SLC24A3: variants seen among roughly 807,000 people sequenced by gnomAD.
SLC24A3 encodes the protein sodium/potassium/calcium exchanger 3.
A neutral mutation model predicts 75.8 loss-of-function variants in SLC24A3; 28 were observed. The observed-to-expected ratio is 0.37, with a 90% CI of 0.27 to 0.51. SLC24A3 has a LOEUF of 0.51. Ranked by LOEUF, SLC24A3 falls within the 20% of genes least tolerant of loss-of-function variation. The probability of loss-of-function intolerance (pLI) is 0.94; values close to 1 mark genes in which losing one functional copy is unlikely to be tolerated. For missense variants in SLC24A3, 663 were observed against 847.8 expected (o/e 0.78, Z 2.71); for synonymous variants, 372 against 334.1 (o/e 1.11, Z -1.24).
At chr20:19,650,109 AG>A (rs1206024453) in intron 6 of SLC24A3, among the ~76,000 whole-genome samples, 1 of 152,130 alleles carries the variant, frequency 6.6e-6, no homozygotes, top group Non-Finnish European at 1.5e-5. Flanking sequence ...AATTCCTTCT[AG>A]AGTGTGGAAA....
At chr20:19,403,026 C>T (rs1373615258) in intron 2 of SLC24A3, among the ~76,000 whole-genome samples, 2 of 152,182 alleles carry the variant, frequency 1.3e-5, no homozygotes, top group Non-Finnish European at 1.5e-5. Flanking sequence ...TAGCTGAGGG[C>T]TTCCATATTA....
intron 2 of SLC24A3, among the ~76,000 whole-genome samples, chr20:19,367,821 T>C (rs1285413825): frequency 5.3e-5 from 8 of 152,152 alleles, no homozygotes; most frequent in African/African-American, 1.9e-4. Context: ...CATTGGTGCA[T>C]TGGCCGTGTT....
chr20:19,393,988 G>T (rs1362768891), intron 2 of SLC24A3, among the ~76,000 whole-genome samples: 1 of 152,178 alleles, frequency 6.6e-6, no homozygotes, highest in Non-Finnish European at 1.5e-5. Context: ...TCAAAACAGT[G>T]TAGTACTTGT....
chr20:19,334,376 A>C (rs151247853), intron 2 of SLC24A3, among the ~76,000 whole-genome samples: 21 of 145,632 alleles, frequency 1.4e-4, no homozygotes, highest in Admixed American at 5.5e-4. Flanking sequence ...AACACAGTAA[A>C]AAAAATAAAG....
At chr20:19,265,283 C>G (rs955504163) in intron 1 of SLC24A3, among the ~76,000 whole-genome samples, 1 of 152,154 alleles carries the variant, frequency 6.6e-6, no homozygotes, top group African/African-American at 2.4e-5. Flanking sequence ...CTTTTATGTC[C>G]CATAGCCATC....
chr20:19,687,357 C>A (rs1322670322), intron 12 of SLC24A3, among the ~76,000 whole-genome samples: 2 of 152,162 alleles, frequency 1.3e-5, no homozygotes, highest in East Asian at 3.9e-4. Flanking sequence ...GGACTCTTTG[C>A]AGCTAGATCA....
chr20:19,705,138 C>A lies in SLC24A3; in HGVS notation c.1719+6458C>A, dbSNP rs544297816. Among the ~76,000 whole-genome samples the A allele has an allele frequency of 5.9e-5, 9 of 152,322 alleles. No homozygotes were observed. The South Asian group carries it at 1.9e-3, about 32-fold the overall frequency. On this transcript the variant is annotated intron_variant, in intron 15 of 16. Transcript: ENST00000328041. ...CTGCTTATTAATGCTTAGGTGGCTT[C>A]TTCAACTTTATATAAAGAAGTGAAG...
chr20:19,453,209 G>T (rs1042407514), intron 2 of SLC24A3, among the ~76,000 whole-genome samples: 9 of 152,048 alleles, frequency 5.9e-5, no homozygotes, highest in Non-Finnish European at 1.3e-4. Context: ...AAATTAGCCA[G>T]TTGTGATGGT....
At chr20:19,349,712 T>G (rs1263250153) in intron 2 of SLC24A3, among the ~76,000 whole-genome samples, 5 of 152,222 alleles carry the variant, frequency 3.3e-5, no homozygotes, top group Non-Finnish European at 5.9e-5. Context: ...ATTACTTTGT[T>G]GACTCCTTTG....
intron 6 of SLC24A3, among the ~76,000 whole-genome samples, chr20:19,592,789 C>CTTTT (rs1319331356): frequency 1.6e-5 from 1 of 60,720 alleles, no homozygotes; most frequent in African/African-American, 4.3e-5. Context: ...AATTTTCTTT[C>CTTTT]TTTCTTTCTT....
At chr20:19,466,719 A>G (rs1030287404) in intron 2 of SLC24A3, among the ~76,000 whole-genome samples, 13 of 146,358 alleles carry the variant, frequency 8.9e-5, no homozygotes, top group Admixed American at 8.6e-4. Context: ...CAGAGATGCT[A>G]TTCTCCTAGC....
intron 2 of SLC24A3, among the ~76,000 whole-genome samples, chr20:19,347,468 C>CG (rs1199018881): frequency 6.6e-6 from 1 of 152,110 alleles, no homozygotes; most frequent in Non-Finnish European, 1.5e-5. Flanking sequence ...AACTGGTTAT[C>CG]GGGGGAGCAT....
At chr20:19,252,644 G>GGGGGC (rs1555783966) in intron 1 of SLC24A3, among the ~76,000 whole-genome samples, 3 of 59,330 alleles carry the variant, frequency 5.1e-5, no homozygotes, top group African/African-American at 3.4e-4. Context: ...TTGGAATGGC[G>GGGGGC]GGGGGGGGTG....
chr20:19,267,287 G>C (rs1189567337), intron 1 of SLC24A3, among the ~76,000 whole-genome samples: 1 of 152,138 alleles, frequency 6.6e-6, no homozygotes, highest in Non-Finnish European at 1.5e-5. Flanking sequence ...TTTAATGGCT[G>C]TCCTACTTGT....
intron 6 of SLC24A3, among the ~76,000 whole-genome samples, chr20:19,651,121 T>C (rs1369744546): frequency 6.6e-6 from 1 of 152,126 alleles, no homozygotes. Flanking sequence ...AACATAATTA[T>C]ATGTAACAAG....
intron 10 of SLC24A3, among the ~76,000 whole-genome samples, chr20:19,683,141 G>A (rs2032634071): frequency 6.6e-6 from 1 of 152,084 alleles, no homozygotes; most frequent in African/African-American, 2.4e-5. Context: ...TTAAATATTT[G>A]ATATATTTTT....
chr20:19,633,878 G>A (rs187983892), intron 6 of SLC24A3, among the ~76,000 whole-genome samples: 8 of 152,194 alleles, frequency 5.3e-5, no homozygotes, highest in Non-Finnish European at 8.8e-5. Context: ...ATTAATTAAA[G>A]CATGCAGAGG....
At chr20:19,554,044 T>G (rs2030745111) in intron 3 of SLC24A3, among the ~76,000 whole-genome samples, 4 of 152,114 alleles carry the variant, frequency 2.6e-5, no homozygotes, top group Admixed American at 2.6e-4. Context: ...CAATGCAGTC[T>G]AAGAAGAAAT....
At chr20:19,305,819 G>A (rs1025431527) in intron 2 of SLC24A3, among the ~76,000 whole-genome samples, 1 of 152,086 alleles carries the variant, frequency 6.6e-6, no homozygotes, top group Admixed American at 6.5e-5. Context: ...ATTGACGTTG[G>A]CAAAGAATTT....
Sources: allele counts gnomAD v4.1 joint callset (sites outside exome capture counted in the v4.1 genomes callset), GRCh38; gene constraint gnomAD v4.1.1; transcripts MANE v1.5; gene names NCBI Gene and HGNC (gene_info 2026-07-23, HGNC 2026-07-21).